Variants in KIF16B observed in about 807,000 individuals in gnomAD.
KIF16B encodes the protein kinesin-like protein KIF16B.
KIF16B carries 98 observed loss-of-function variants against 156.3 expected under a neutral mutation model. The ratio of observed to expected loss-of-function variants is 0.63; its 90% CI spans 0.53 to 0.74. KIF16B has a LOEUF of 0.74. Ranked by LOEUF, KIF16B falls within the 30% of genes least tolerant of loss-of-function variation. KIF16B has a pLI of 0.00. For missense variants in KIF16B, 1,421 were observed against 1,606.5 expected (o/e 0.88, Z 1.97); for synonymous variants, 564 against 583.7 (o/e 0.97, Z 0.49).
At chr20:16,491,591 T>C (rs1349603079) in intron 12 of KIF16B, among the ~76,000 whole-genome samples, 1 of 152,146 alleles carries the variant, frequency 6.6e-6, no homozygotes, top group African/African-American at 2.4e-5. Flanking sequence ...TGCCATCCGC[T>C]GTGATTTCCA....
At chr20:16,318,487 A>G (rs4814469) in intron 24 of KIF16B, among the ~76,000 whole-genome samples, 110,394 of 152,090 alleles carry the variant, frequency 0.73, 40,969 homozygotes, top group East Asian at 0.96. Flanking sequence ...TACACACGAC[A>G]AGCCTGAAGC....
chr20:16,437,711 T>C (rs2066680529), intron 12 of KIF16B, among the ~76,000 whole-genome samples: 1 of 152,224 alleles, frequency 6.6e-6, no homozygotes, highest in African/African-American at 2.4e-5. Flanking sequence ...AATATACTTA[T>C]GTTTCCTTGT....
At chr20:16,310,467 T>C (rs1421646340) in intron 25 of KIF16B, among the ~76,000 whole-genome samples, 2 of 152,112 alleles carry the variant, frequency 1.3e-5, no homozygotes, top group Admixed American at 6.5e-5. Context: ...GCACACAAAA[T>C]GCCCAATCTG....
At chr20:16,530,467 T>C (rs964920660) in intron 1 of KIF16B, among the ~76,000 whole-genome samples, 1 of 152,118 alleles carries the variant, frequency 6.6e-6, no homozygotes, top group Non-Finnish European at 1.5e-5. Context: ...TGAGGACCCC[T>C]GTGGACAGAC....
Position 16,559,914 on chromosome 20 carries a change from T to C in KIF16B, c.47+13315A>G, listed in dbSNP as rs546185112. Among the ~76,000 whole-genome samples the C allele has an allele frequency of 5.3e-5, 8 of 152,220 alleles. No homozygotes were observed. The East Asian group carries it at 1.4e-3, about 26-fold the overall frequency. The stretch of plus-strand genomic sequence containing the variant: ...TCTATTCAGATTTGTATTCAAATAA[T>C]GATACAACATTCAAATAATGTTGTA... On this transcript the variant is annotated intron_variant, in intron 1 of 25. Coordinates refer to ENST00000354981, the MANE Select transcript of KIF16B (RefSeq NM_024704.5).
chr20:16,555,154 T>G (rs760209155), intron 1 of KIF16B, among the ~76,000 whole-genome samples: 1 of 152,156 alleles, frequency 6.6e-6, no homozygotes, highest in Non-Finnish European at 1.5e-5. Context: ...ATCACCACAA[T>G]ATTCATGTAA....
chr20:16,276,573 A>T (rs2063064468), intron 25 of KIF16B, among the ~76,000 whole-genome samples: 1 of 152,198 alleles, frequency 6.6e-6, no homozygotes, highest in Non-Finnish European at 1.5e-5. Flanking sequence ...TTGATTAGGA[A>T]GCGTTCTTTG....
At chr20:16,345,629 G>T (rs899939229) in intron 23 of KIF16B, among the ~76,000 whole-genome samples, 2 of 152,166 alleles carry the variant, frequency 1.3e-5, no homozygotes, top group Admixed American at 1.3e-4. Context: ...CAATTTTAGG[G>T]TAGGTAGGTA....
intron 15 of KIF16B, among the ~76,000 whole-genome samples, chr20:16,416,647 A>G (rs922160751): frequency 2.0e-5 from 3 of 151,882 alleles, no homozygotes; most frequent in Admixed American, 6.6e-5. Flanking sequence ...TGATGGGTTG[A>G]TAGGTGCAGC....
intron 15 of KIF16B, among the ~76,000 whole-genome samples, chr20:16,423,477 G>A (rs1391906690): frequency 6.6e-6 from 1 of 152,020 alleles, no homozygotes; most frequent in African/African-American, 2.4e-5. Context: ...CTCAATCAGG[G>A]GAAAACACAT....
intron 3 of KIF16B, among the ~76,000 whole-genome samples, chr20:16,524,344 C>T (rs2069457325): frequency 6.6e-6 from 1 of 152,104 alleles, no homozygotes; most frequent in East Asian, 1.9e-4. Flanking sequence ...AACAAACAAC[C>T]CCATCAAAAA....
intron 1 of KIF16B, among the ~76,000 whole-genome samples, chr20:16,560,967 G>A (rs1203986627): frequency 6.6e-6 from 1 of 151,892 alleles, no homozygotes; most frequent in African/African-American, 2.4e-5. Flanking sequence ...AATCATTTTA[G>A]TGAGTAACAA....
At position 16,517,856 on chromosome 20, in the gene KIF16B, T is replaced by C. The variant is rs2069194270; in HGVS notation, c.232-2192A>G. On this transcript the variant is annotated intron_variant, in intron 3 of 25. Transcript: ENST00000354981. ...GTAAGGAAAAAAGTCTTCTAAAAAC[T>C]TTTCAAAGAATAAAGAAGGACTGTT... Among the ~76,000 whole-genome samples, 3 of 152,178 alleles carry C rather than the reference T, an allele frequency of 2.0e-5. No homozygotes were observed. In the South Asian group the frequency reaches 6.2e-4, roughly 31 times the overall value.
At chr20:16,437,996 A>T (rs1340782291) in intron 12 of KIF16B, among the ~76,000 whole-genome samples, 14 of 149,564 alleles carry the variant, frequency 9.4e-5, no homozygotes, top group South Asian at 4.3e-4. Context: ...TAATAAAAAA[A>T]AAAAAACAGG....
chr20:16,487,225 C>G (rs931298270), intron 12 of KIF16B, among the ~76,000 whole-genome samples: 6 of 151,438 alleles, frequency 4.0e-5, no homozygotes, highest in Non-Finnish European at 7.4e-5. Context: ...GCACTCCAGC[C>G]TGGGTGACAG....
rs1032250090 is a variant in KIF16B at position 16,492,642 on chromosome 20, C to T, written c.1302+1649G>A. 3.9e-5 allele frequency among the ~76,000 whole-genome samples: 6 copies of T among 152,018 alleles called. 1 individual carries two copies. Among genetic ancestry groups the T allele is most frequent in the Admixed American group, 3.9e-4 (6 of 15,270 alleles). On this transcript the variant is annotated intron_variant, in intron 12 of 25. Coordinates refer to ENST00000354981, the MANE Select transcript of KIF16B (RefSeq NM_024704.5). ...AAAAAGTTCAGGCTGTCATAGTTCT[C>T]GGTGTGGATACCCTTTACAGAAACA...
intron 1 of KIF16B, among the ~76,000 whole-genome samples, chr20:16,547,664 CT>C (rs1214927786): frequency 2.0e-5 from 3 of 152,198 alleles, no homozygotes; most frequent in African/African-American, 7.2e-5. Context: ...CCCACCTGCA[CT>C]TTCTGAGGAG....
chr20:16,551,793 T>C (rs1359317642), intron 1 of KIF16B, among the ~76,000 whole-genome samples: 1 of 152,132 alleles, frequency 6.6e-6, no homozygotes, highest in Non-Finnish European at 1.5e-5. Context: ...TGGCCTCATT[T>C]CTGTGGCTCA....
At chr20:16,531,373 A>G (rs888784522) in intron 1 of KIF16B, among the ~76,000 whole-genome samples, 3 of 152,220 alleles carry the variant, frequency 2.0e-5, no homozygotes, top group Admixed American at 2.0e-4. Flanking sequence ...TATTCCAGCT[A>G]AAAAAATAAA....
Sources: allele counts gnomAD v4.1 joint callset (sites outside exome capture counted in the v4.1 genomes callset), GRCh38; gene constraint gnomAD v4.1.1; transcripts MANE v1.5; gene names NCBI Gene and HGNC (gene_info 2026-07-23, HGNC 2026-07-21).